Variants in PINK1 observed in about 807,000 individuals in gnomAD.
PINK1 encodes PTEN induced kinase 1.
PINK1 carries 58 observed loss-of-function variants against 56.0 expected under a neutral mutation model. That is an observed-to-expected ratio of 1.04 (90% confidence interval 0.84 to 1.29). The LOEUF is 1.29. Among genes scored for constraint, PINK1 ranks in the 50% most tolerant of loss-of-function variants. PINK1 has a pLI of 0.00. For missense variants in PINK1, 745 were observed against 777.9 expected (o/e 0.96, Z 0.50); for synonymous variants, 354 against 339.3 (o/e 1.04, Z -0.48).
intron 2 of PINK1, chr1:20,639,096 G>T: frequency 6.5e-6 from 1 of 153,416 alleles, no homozygotes; most frequent in Non-Finnish European, 1.5e-5. Context: ...CCATCCCTGG[G>T]CCCATCCATT....
rs755584202 is a variant in PINK1, at chr1:20,638,114, G to A, written c.660G>A (p.Met220Ile). ...CTGCCTTCCCCTTGGCCATCAAGAT[G>A]ATGTGGAACATCTCGGTAAGCACCA... is the stretch of plus-strand genomic sequence containing the variant. ...GAPAFPLAIKMMWNISAGSSS... is the reference protein window; with the variant it reads ...GAPAFPLAIKIMWNISAGSSS... The change falls in exon 2 of 8, where the codon ATG becomes ATA. Residue 220 changes from methionine (M) to isoleucine (I), a missense_variant. Physicochemically the swap from Met to Ile is conservative, Grantham distance 10. Coordinates refer to ENST00000321556, the MANE Select transcript of PINK1 (RefSeq NM_032409.3). The A allele has an allele frequency of 6.2e-7, 1 of 1,612,690 alleles. No homozygotes were observed. Among genetic ancestry groups the A allele is most frequent in the South Asian group, 1.1e-5 (1 of 91,084 alleles).
At chr1:20,647,053 ATTTTT>A (rs71585775) in intron 5 of PINK1, among the ~76,000 whole-genome samples, 1 of 91,432 alleles carries the variant, frequency 1.1e-5, no homozygotes, top group East Asian at 3.2e-4. Context: ...CTAATTTTTG[ATTTTT>A]TTTTTTTTTT....
At chr1:20,644,007 C>T (rs1444657268) in intron 3 of PINK1, among the ~76,000 whole-genome samples, 1 of 152,000 alleles carries the variant, frequency 6.6e-6, no homozygotes, top group African/African-American at 2.4e-5. Context: ...TGACAATATA[C>T]TGTAATAAAA....
In PINK1 at chr1:20,633,546, AC is replaced by A; in HGVS notation, c.-1del. 6 of 1,169,294 alleles carry A rather than the reference AC, an allele frequency of 5.1e-6. No homozygotes were observed. Among genetic ancestry groups the A allele is most frequent in the Non-Finnish European group, 6.3e-6 (6 of 947,950 alleles). The allele number at this position is 1,169,294 out of a possible 1,614,324, so 72.4% of individuals were successfully genotyped here. On this transcript the variant is annotated 5_prime_UTR_variant, in exon 1 of 8. Coordinates refer to ENST00000321556, the MANE Select transcript of PINK1 (RefSeq NM_032409.3). Reference sequence around the variant, plus strand: ...TGCGGGGGCACCGGGCCGCGGCGCCACCATGGCGGTGCGACAGGCGCTGGGC... The same window carrying A: ...TGCGGGGGCACCGGGCCGCGGCGCCACATGGCGGTGCGACAGGCGCTGGGC...
At chr1:20,638,209 G>C in intron 2 of PINK1, 80 bp downstream of exon 2, 1 of 1,510,308 alleles carries the variant, frequency 6.6e-7, no homozygotes, top group Non-Finnish European at 8.9e-7. Context: ...ATTTTTTCCA[G>C]GAAGTAGGTA....
At position 20,641,917 on chromosome 1, in the gene PINK1, C is replaced by T. The variant is rs1239634509; in HGVS notation, c.776+1925C>T. 6.6e-6 allele frequency among the ~76,000 whole-genome samples: 1 copy of T among 152,170 alleles called. No homozygotes were observed. Among genetic ancestry groups the T allele is most frequent in the East Asian group, 1.9e-4 (1 of 5,196 alleles). On this transcript the variant is annotated intron_variant, in intron 3 of 7. Coordinates refer to ENST00000321556, the MANE Select transcript of PINK1 (RefSeq NM_032409.3). This position sits in a 1 kb window ranked among gnomAD's most constrained non-coding sequence, Gnocchi z 4.0. The stretch of plus-strand genomic sequence containing the variant: ...CACCCGCAACCCCACCATGTATCTC[C>T]CCAGTACAGCCATACTCCTCTGCCC...
intron 4 of PINK1, 62 bp from the exon 5 acceptor site, chr1:20,645,498 A>AAC (rs1557564696): frequency 6.6e-7 from 1 of 1,511,672 alleles, no homozygotes; most frequent in Non-Finnish European, 9.0e-7. Context: ...AAAAAAAAAA[A>AAC]AAAAAACGTA....
chr1:20,637,748 A>G (rs2053070618), intron 1 of PINK1, 94 bp from the exon 2 acceptor site: 1 of 1,442,512 alleles, frequency 6.9e-7, no homozygotes. Context: ...GACGTGGACC[A>G]CGCCTTGCTG....
In PINK1 at chr1:20,645,700, A is replaced by T. The variant is rs749040285; in HGVS notation, c.1100A>T (p.Asn367Ile). The change falls in exon 5 of 8, where the codon AAC becomes ATC. Residue 367 changes from asparagine to isoleucine, a missense_variant. Coordinates refer to ENST00000321556, the MANE Select transcript of PINK1 (RefSeq NM_032409.3). ...GIAHRDLKSD[N>I]ILVELDPDGC... The stretch of plus-strand genomic sequence containing the variant: ...GCGCACAGAGACCTGAAATCCGACA[A>T]CATCCTTGTGGAGCTGGACCCAGGT... 3 of 1,614,078 alleles carry T rather than the reference A, an allele frequency of 1.9e-6. No homozygotes were observed. The highest frequency in any genetic ancestry group is 2.5e-6 in the Non-Finnish European group (3 of 1,180,016).
In PINK1 at chr1:20,641,162, G is replaced by C. The variant is rs750692111; in HGVS notation, c.776+1170G>C. ...GGCAAAAGTATGAAATTAAGGGAGT[G>C]GTTGTGGAAAACCCCTTCCATGGTT... On this transcript the variant is annotated intron_variant, in intron 3 of 7. Transcript: ENST00000321556. This position sits in a 1 kb window ranked among gnomAD's most constrained non-coding sequence, Gnocchi z 4.0. Among the ~76,000 whole-genome samples the C allele has an allele frequency of 3.3e-5, 5 of 152,170 alleles. No homozygotes were observed. The highest frequency in any genetic ancestry group is 5.9e-5 in the Non-Finnish European group (4 of 68,040).
At position 20,641,500 on chromosome 1, in the gene PINK1, T is replaced by G. The variant is rs919684593; in HGVS notation, c.776+1508T>G. Among the ~76,000 whole-genome samples the G allele has an allele frequency of 5.9e-5, 9 of 152,136 alleles. No homozygotes were observed. Among genetic ancestry groups the G allele is most frequent in the African/African-American group, 2.2e-4 (9 of 41,422 alleles). ...GCCTCAAATAACACGTCTTTTTCTG[T>G]TGGTTCCTTTTTGCTCCAGCTGTAC... On this transcript the variant is annotated intron_variant, in intron 3 of 7. Transcript: ENST00000321556. This position sits in a 1 kb window ranked among gnomAD's most constrained non-coding sequence, Gnocchi z 4.0.
rs1486302766 is a variant in PINK1, at chr1:20,640,000, C to T, written c.776+8C>T. On this transcript the variant is annotated splice_region_variant and intron_variant, in intron 3 of 7. Transcript: ENST00000321556. ...TGGAGCAGTCACTTACAGGTAAGTGCCCTCTGCCTGCCAGACTGACTGGGA... is the reference window on the plus strand; with the variant it reads ...TGGAGCAGTCACTTACAGGTAAGTGTCCTCTGCCTGCCAGACTGACTGGGA... 3 of 1,592,662 alleles carry T rather than the reference C, an allele frequency of 1.9e-6. No individual in the cohort carries two copies. Among genetic ancestry groups the T allele is most frequent in the Admixed American group, 3.5e-5 (2 of 57,312 alleles).
chr1:20,643,292 C>T (rs1160206925), intron 3 of PINK1, among the ~76,000 whole-genome samples: 1 of 152,240 alleles, frequency 6.6e-6, no homozygotes, highest in Admixed American at 6.5e-5. Flanking sequence ...CTGGCAGAGC[C>T]ACCCCATCCA....
chr1:20,644,694 G>A, intron 4 of PINK1, 22 bp downstream of exon 4: 1 of 1,613,246 alleles, frequency 6.2e-7, no homozygotes, highest in Non-Finnish European at 8.5e-7. Context: ...CAGCGCGGCA[G>A]GGCCTGGAGC....
intron 4 of PINK1, 59 bp from the exon 5 acceptor site, chr1:20,645,501 A>AC (rs2154533865): frequency 1.3e-6 from 2 of 1,525,876 alleles, no homozygotes; most frequent in East Asian, 2.3e-5. Context: ...AAAAAAAAAA[A>AC]AAACGTATTG....
intron 3 of PINK1, among the ~76,000 whole-genome samples, chr1:20,643,427 C>T (rs991312184): frequency 2.0e-5 from 3 of 152,256 alleles, no homozygotes; most frequent in Admixed American, 6.5e-5. Context: ...GATCTATTCA[C>T]TTATTCAACA....
intron 5 of PINK1, 117 bp from the exon 6 acceptor site, chr1:20,648,388 A>G: frequency 6.7e-7 from 1 of 1,489,038 alleles, no homozygotes; most frequent in South Asian, 1.2e-5. Context: ...CTGGGCCAAC[A>G]CTGAGCCATT....
chr1:20,650,568 C>T lies in PINK1; in HGVS notation c.1623C>T (p.Ala541=), dbSNP rs1275945781. ...AACAATCGGCCGCCACTTTGTTGGC[C>T]AACAGGCTCACAGAGAAGTGTTGTG... ...LLQQSAATLL[A]NRLTEKCCVE... is the part of the protein sequence containing the mutation. The change falls in exon 8 of 8, where the codon GCC becomes GCT. Residue 541 remains alanine, a synonymous_variant. Coordinates refer to ENST00000321556, the MANE Select transcript of PINK1 (RefSeq NM_032409.3). The T allele has an allele frequency of 2.5e-6, 4 of 1,614,202 alleles. No homozygotes were observed. The highest frequency in any genetic ancestry group is 3.4e-6 in the Non-Finnish European group (4 of 1,180,034).
chr1:20,648,485 C>T lies in PINK1; in HGVS notation c.1124-20C>T, dbSNP rs745739450. On this transcript the variant is annotated intron_variant, in intron 5 of 7. Transcript: ENST00000321556. ...GGAAGGAGGGGAGGAGAAATGGTCACTTTGCTTGCTCCTTCCCAGACGGCT... is the reference window on the plus strand; with the variant it reads ...GGAAGGAGGGGAGGAGAAATGGTCATTTTGCTTGCTCCTTCCCAGACGGCT... 3 of 1,613,906 alleles carry T rather than the reference C, an allele frequency of 1.9e-6. No individual in the cohort carries two copies. The highest frequency in any genetic ancestry group is 4.5e-5 in the East Asian group (2 of 44,886).
Sources: gnomAD v4.1 joint callset for allele counts (sites outside exome capture counted in the v4.1 genomes callset) on GRCh38, gnomAD v4.1.1 for gene constraint, Gnocchi (gnomAD v3.1) non-coding constraint, MANE v1.5 for transcripts, NCBI Gene and HGNC (gene_info 2026-07-23, HGNC 2026-07-21) for gene names.